Variants in CHST15 observed in about 807,000 individuals in gnomAD.
CHST15 encodes carbohydrate sulfotransferase 15.
CHST15 carries 30 observed loss-of-function variants against 53.6 expected under a neutral mutation model. That is an observed-to-expected ratio of 0.56 (90% CI 0.42 to 0.76). CHST15 has a LOEUF of 0.76. Ranked by LOEUF, CHST15 falls within the 30% of genes least tolerant of loss-of-function variation. CHST15 has a pLI of 0.00. For synonymous variants in CHST15, 296 were observed against 289.8 expected (o/e 1.02, Z -0.22); for missense variants, 627 against 740.5 (o/e 0.85, Z 1.78).
chr10:124,073,076 C>T (rs898725957), intron 1 of CHST15, among the ~76,000 whole-genome samples: 1 of 152,132 alleles, frequency 6.6e-6, no homozygotes, highest in Non-Finnish European at 1.5e-5. Context: ...CTTGGGCGTA[C>T]TCACTCCCAA....
Position 124,054,816 on chromosome 10 carries a change from G to A in CHST15, c.-512-8092C>T, listed in dbSNP as rs112433044. 4.4e-3 allele frequency among the ~76,000 whole-genome samples: 663 copies of A among 152,280 alleles called. 6 individuals carry two copies. The highest frequency in any genetic ancestry group is 0.015 in the African/African-American group (627 of 41,562). On this transcript the variant is annotated intron_variant, in intron 1 of 7. Transcript: ENST00000435907. Reference sequence around the variant, plus strand: ...TGCTTAACCCAGAGTCTAGTACCCCGCACACCGTGGAAGGATGAGCCATCC... The same window carrying A: ...TGCTTAACCCAGAGTCTAGTACCCCACACACCGTGGAAGGATGAGCCATCC...
intron 1 of CHST15, among the ~76,000 whole-genome samples, chr10:124,080,118 C>T (rs1949189581): frequency 6.6e-6 from 1 of 152,208 alleles, no homozygotes; most frequent in South Asian, 2.1e-4. Flanking sequence ...GCAGCAGCTG[C>T]AGGCCAGCGA....
intron 1 of CHST15, among the ~76,000 whole-genome samples, chr10:124,085,560 G>A (rs1156996214): frequency 1.3e-5 from 2 of 152,140 alleles, no homozygotes; most frequent in African/African-American, 2.4e-5. Flanking sequence ...TTTAATTGAC[G>A]CGTTAATGCA....
chr10:124,016,708 G>A (rs956975912), intron 6 of CHST15, among the ~76,000 whole-genome samples: 10 of 152,304 alleles, frequency 6.6e-5, no homozygotes, highest in African/African-American at 2.4e-4. Context: ...ACTAACCTCT[G>A]TGAGCCTCAG....
At chr10:124,021,636 G>C (rs1490445487) in intron 5 of CHST15, among the ~76,000 whole-genome samples, 2 of 152,012 alleles carry the variant, frequency 1.3e-5, no homozygotes, top group Non-Finnish European at 2.9e-5. Context: ...GTCTATACTG[G>C]CCCCACACAA....
chr10:124,012,642 TG>T (rs1244844856), intron 6 of CHST15, among the ~76,000 whole-genome samples, 162 bp from the exon 7 acceptor site: 1 of 152,208 alleles, frequency 6.6e-6, no homozygotes, highest in Non-Finnish European at 1.5e-5. Flanking sequence ...TGCTTCTTTA[TG>T]GGGGGTTTTG....
At position 124,042,374 on chromosome 10, in the gene CHST15, G is replaced by C. The variant is rs150036804; in HGVS notation, c.960C>G (p.Ala320=). ...VEDYLDLFDL[A]AHQIHQGLQA... The stretch of plus-strand genomic sequence containing the variant: ...GCAGTCCTTGATGGATCTGGTGTGC[G>C]GCCAGGTCAAAGAGGTCCAGATAAT... Residue 320 remains alanine, a synonymous_variant, in exon 4 of 8, where the codon GCC becomes GCG. Transcript: ENST00000435907. 1.2e-6 allele frequency: 2 copies of C among 1,614,028 alleles called. No individual in the cohort carries two copies. Among genetic ancestry groups the C allele is most frequent in the Non-Finnish European group, 1.7e-6 (2 of 1,180,014 alleles).
At chr10:124,059,142 G>A (rs1948476438) in intron 1 of CHST15, among the ~76,000 whole-genome samples, 1 of 152,278 alleles carries the variant, frequency 6.6e-6, no homozygotes, top group South Asian at 2.1e-4. Context: ...TCACCATTTA[G>A]ACCCTCATTC....
At chr10:124,065,319 C>T (rs1948720030) in intron 1 of CHST15, among the ~76,000 whole-genome samples, 1 of 152,156 alleles carries the variant, frequency 6.6e-6, no homozygotes, top group Non-Finnish European at 1.5e-5. Context: ...GAGATCCAGG[C>T]TGCAGTGAGC....
intron 5 of CHST15, among the ~76,000 whole-genome samples, chr10:124,034,830 C>T (rs1301163156): frequency 1.7e-4 from 24 of 140,342 alleles, no homozygotes; most frequent in African/African-American, 6.2e-4. Flanking sequence ...CGCCCCCTAA[C>T]GGGGACCCTG....
At chr10:124,034,156 G>A (rs1361126150) in intron 5 of CHST15, among the ~76,000 whole-genome samples, 1 of 152,230 alleles carries the variant, frequency 6.6e-6, no homozygotes, top group Non-Finnish European at 1.5e-5. Context: ...GCCCAGCACA[G>A]CACCCAGCCT....
chr10:124,056,871 G>A (rs756560536), intron 1 of CHST15, among the ~76,000 whole-genome samples: 18 of 151,458 alleles, frequency 1.2e-4, no homozygotes, highest in African/African-American at 2.2e-4. Flanking sequence ...CTGTACGACC[G>A]GACACTCTGC....
At chr10:124,017,451 G>A (rs1175396095) in intron 6 of CHST15, among the ~76,000 whole-genome samples, 1 of 152,066 alleles carries the variant, frequency 6.6e-6, no homozygotes, top group Non-Finnish European at 1.5e-5. Context: ...CCCACCTATC[G>A]GGTTTGTTTT....
intron 6 of CHST15, among the ~76,000 whole-genome samples, chr10:124,018,682 G>A (rs1946666293): frequency 6.6e-6 from 1 of 152,194 alleles, no homozygotes; most frequent in African/African-American, 2.4e-5. Flanking sequence ...TATATTTGGG[G>A]GCAGTGTGCC....
intron 1 of CHST15, among the ~76,000 whole-genome samples, chr10:124,063,377 C>T (rs556151770): frequency 6.6e-6 from 1 of 151,956 alleles, no homozygotes; most frequent in African/African-American, 2.4e-5. Flanking sequence ...GAGTGACACT[C>T]CGTCTCAAAA....
Position 124,023,466 on chromosome 10 carries a change from T to C in CHST15, c.1191-2054A>G, listed in dbSNP as rs959535667. Among the ~76,000 whole-genome samples, 7 of 148,260 alleles carry C rather than the reference T, an allele frequency of 4.7e-5. No homozygotes were observed. The South Asian group carries it at 6.4e-4, about 14-fold the overall frequency. ...TGCCATTGCACTCCAGCCTGGGCAA[T>C]GGGAGTGAGAACCTCTCTCAAAAAA... is the stretch of plus-strand genomic sequence containing the variant. On this transcript the variant is annotated intron_variant, in intron 5 of 7. Coordinates refer to ENST00000435907, the MANE Select transcript of CHST15 (RefSeq NM_001270764.2).
intron 5 of CHST15, among the ~76,000 whole-genome samples, chr10:124,037,229 C>T (rs1484280610): frequency 5.9e-5 from 9 of 152,200 alleles, no homozygotes; most frequent in Admixed American, 5.9e-4. Context: ...CAGTCATACA[C>T]ACTGGGGGAG....
At chr10:124,082,589 A>C (rs1397477669) in intron 1 of CHST15, among the ~76,000 whole-genome samples, 1 of 152,226 alleles carries the variant, frequency 6.6e-6, no homozygotes, top group African/African-American at 2.4e-5. Flanking sequence ...ACGGAAACAC[A>C]TGTCCACACC....
At chr10:124,037,687 T>C (rs771849962) in intron 5 of CHST15, among the ~76,000 whole-genome samples, 1 of 152,212 alleles carries the variant, frequency 6.6e-6, no homozygotes, top group Non-Finnish European at 1.5e-5. Context: ...GGCTGTTCAA[T>C]ATCCCACTAC....
Sources: gnomAD v4.1 joint callset for allele counts (sites outside exome capture counted in the v4.1 genomes callset) on GRCh38, gnomAD v4.1.1 for gene constraint, MANE v1.5 for transcripts, NCBI Gene and HGNC (gene_info 2026-07-23, HGNC 2026-07-21) for gene names.